Variants in CTXND1 observed in about 807,000 individuals in gnomAD.
CTXND1 encodes cortexin domain-containing 1 protein.
intron 1 of CTXND1, among the ~76,000 whole-genome samples, chr15:80,206,360 A>G (rs1341881473): frequency 2.6e-5 from 4 of 152,178 alleles, no homozygotes; most frequent in Non-Finnish European, 5.9e-5. Context: ...TATCTTCGTG[A>G]ATGAAGTTAA....
intron 1 of CTXND1, among the ~76,000 whole-genome samples, chr15:80,218,842 C>T (rs1283888485): frequency 1.3e-5 from 2 of 152,022 alleles, no homozygotes; most frequent in East Asian, 3.9e-4. Context: ...TGAGTACCCT[C>T]CTGAAGTTGT....
chr15:80,215,821 GT>G (rs1893246953), intron 1 of CTXND1, among the ~76,000 whole-genome samples: 1 of 152,106 alleles, frequency 6.6e-6, no homozygotes, highest in Admixed American at 6.6e-5. Flanking sequence ...CAGGGGCTTC[GT>G]TGCTCTTTCC....
At chr15:80,203,534 C>G (rs1032650404) in intron 2 of CTXND1, 55 bp downstream of exon 2, 3 of 152,286 alleles carry the variant, frequency 2.0e-5, no homozygotes, top group East Asian at 3.9e-4. Context: ...GTCAACCACG[C>G]CTTCCCCTCT....
intron 1 of CTXND1, among the ~76,000 whole-genome samples, chr15:80,233,971 T>C (rs1335189239): frequency 6.6e-6 from 1 of 152,182 alleles, no homozygotes; most frequent in Non-Finnish European, 1.5e-5. Flanking sequence ...GTTCCCTGCC[T>C]ACCTCCTCCA....
At chr15:80,214,885 C>G (rs1893235797) in intron 1 of CTXND1, among the ~76,000 whole-genome samples, 1 of 152,088 alleles carries the variant, frequency 6.6e-6, no homozygotes, top group Non-Finnish European at 1.5e-5. Flanking sequence ...CAAGTTTAAC[C>G]TGGTTAAAAA....
intron 1 of CTXND1, among the ~76,000 whole-genome samples, chr15:80,249,806 T>C (rs1195487095): frequency 3.9e-5 from 6 of 152,230 alleles, no homozygotes; most frequent in Non-Finnish European, 8.8e-5. Context: ...GCATGTAATG[T>C]GCTTTAGAAA....
intron 1 of CTXND1, among the ~76,000 whole-genome samples, chr15:80,220,146 C>CTATCTATCATCT (rs1555444756): frequency 4.7e-5 from 5 of 105,344 alleles, no homozygotes; most frequent in Non-Finnish European, 6.6e-5. Flanking sequence ...ATCTATCTAT[C>CTATCTATCATCT]ATCTATCTAT....
intron 1 of CTXND1, among the ~76,000 whole-genome samples, chr15:80,247,175 A>C (rs974721777): frequency 1.2e-4 from 19 of 152,130 alleles, no homozygotes; most frequent in African/African-American, 3.4e-4. Context: ...ATGCTCCCCT[A>C]GGAGAATATC....
At chr15:80,220,540 TTTTATATA>T (rs1298530239) in intron 1 of CTXND1, among the ~76,000 whole-genome samples, 3 of 152,188 alleles carry the variant, frequency 2.0e-5, no homozygotes, top group African/African-American at 7.2e-5. Context: ...CTCCTTACAC[TTTTATATA>T]TTAGGATCAC....
intron 1 of CTXND1, among the ~76,000 whole-genome samples, chr15:80,214,258 T>C (rs1893230086): frequency 6.6e-6 from 1 of 152,140 alleles, no homozygotes; most frequent in African/African-American, 2.4e-5. Context: ...TTCAGATATG[T>C]GTTTGAACAT....
chr15:80,222,451 T>A (rs1272277008), intron 1 of CTXND1, among the ~76,000 whole-genome samples: 2 of 152,168 alleles, frequency 1.3e-5, no homozygotes, highest in African/African-American at 4.8e-5. Context: ...CTATAATACT[T>A]CTATCATAAC....
chr15:80,242,308 G>A (rs1893578095), intron 1 of CTXND1, among the ~76,000 whole-genome samples: 1 of 152,218 alleles, frequency 6.6e-6, no homozygotes, highest in African/African-American at 2.4e-5. Context: ...GAAATCTGCA[G>A]AAACTCTCCT....
intron 1 of CTXND1, among the ~76,000 whole-genome samples, chr15:80,227,727 C>G (rs951194393): frequency 6.6e-6 from 1 of 152,214 alleles, no homozygotes; most frequent in African/African-American, 2.4e-5. Flanking sequence ...TGCTACTGAT[C>G]ATCTGAGGCT....
chr15:80,210,360 C>G (rs1595904264), intron 1 of CTXND1, among the ~76,000 whole-genome samples: 1 of 152,240 alleles, frequency 6.6e-6, no homozygotes, highest in East Asian at 1.9e-4. Context: ...ATGTAAGACT[C>G]TTTCCACCTT....
At chr15:80,222,676 G>T (rs1893330740) in intron 1 of CTXND1, among the ~76,000 whole-genome samples, 1 of 151,996 alleles carries the variant, frequency 6.6e-6, no homozygotes, top group African/African-American at 2.4e-5. Context: ...TTGTAATTCT[G>T]CCAAGTTTCT....
chr15:80,210,910 T>C (rs1340883154), intron 1 of CTXND1, among the ~76,000 whole-genome samples: 1 of 152,212 alleles, frequency 6.6e-6, no homozygotes, highest in Non-Finnish European at 1.5e-5. Flanking sequence ...CCTAGGTAGG[T>C]GAGTCTTCTT....
intron 1 of CTXND1, among the ~76,000 whole-genome samples, chr15:80,245,665 GGATT>G (rs1455002898): frequency 6.6e-6 from 1 of 152,154 alleles, no homozygotes; most frequent in Non-Finnish European, 1.5e-5. Flanking sequence ...ACCTCTTTGT[GGATT>G]GATTATCAAG....
At chr15:80,251,194 T>A (rs1219455573) in intron 1 of CTXND1, among the ~76,000 whole-genome samples, 1 of 152,184 alleles carries the variant, frequency 6.6e-6, no homozygotes, top group Non-Finnish European at 1.5e-5. Context: ...AGGCGGTGCA[T>A]CAGCTTGGAT....
At chr15:80,241,747 T>C (rs1400384888) in intron 1 of CTXND1, among the ~76,000 whole-genome samples, 1 of 152,120 alleles carries the variant, frequency 6.6e-6, no homozygotes, top group African/African-American at 2.4e-5. Flanking sequence ...GCACTGGCCC[T>C]TGGGGGAAAC....
Sources: allele counts gnomAD v4.1 joint callset (sites outside exome capture counted in the v4.1 genomes callset), GRCh38; gene constraint gnomAD v4.1.1; transcripts MANE v1.5; gene names NCBI Gene and HGNC (gene_info 2026-07-23, HGNC 2026-07-21).